The following AGO3 variants were observed in gnomAD, a reference collection of about 807,000 sequenced individuals.
The protein encoded by AGO3 is argonaute RISC catalytic component 3.
A neutral mutation model predicts 105.5 loss-of-function variants in AGO3; 16 were observed. That is an observed-to-expected ratio of 0.15 (90% CI 0.10 to 0.23). AGO3 has a LOEUF of 0.23. AGO3 is among the 10% of genes least tolerant of loss of function. The pLI is 1.00. For synonymous variants in AGO3, 340 were observed against 367.3 expected (o/e 0.93, Z 0.85); for missense variants, 534 against 1,088.0 (o/e 0.49, Z 7.16).
At chr1:35,960,415 G>T (rs1351524100) in intron 2 of AGO3, among the ~76,000 whole-genome samples, 4 of 152,076 alleles carry the variant, frequency 2.6e-5, no homozygotes, top group African/African-American at 9.7e-5. Flanking sequence ...AGGAGTTTTA[G>T]GTTACAGTGA....
At chr1:36,041,398 T>C (rs967356155) in intron 16 of AGO3, among the ~76,000 whole-genome samples, 2 of 151,720 alleles carry the variant, frequency 1.3e-5, no homozygotes, top group African/African-American at 2.4e-5. Flanking sequence ...CCTGCCACCA[T>C]GCCCGGCTAA....
chr1:35,989,449 A>G (rs1647411523), intron 5 of AGO3, among the ~76,000 whole-genome samples: 1 of 152,230 alleles, frequency 6.6e-6, no homozygotes, highest in African/African-American at 2.4e-5. Flanking sequence ...TTTAAAGAAT[A>G]CATAAAATAC....
intron 2 of AGO3, among the ~76,000 whole-genome samples, chr1:35,952,866 C>T (rs970806090): frequency 6.6e-6 from 1 of 152,154 alleles, no homozygotes; most frequent in South Asian, 2.1e-4. Context: ...ATATCCCCAT[C>T]GTTAAGTGAT....
chr1:35,953,272 GAAAA>G (rs967020958), intron 2 of AGO3, among the ~76,000 whole-genome samples: 1 of 140,018 alleles, frequency 7.1e-6, no homozygotes, highest in Non-Finnish European at 1.6e-5. Flanking sequence ...CTACTAAAAA[GAAAA>G]AAAAAAAGAA....
intron 17 of AGO3, 64 bp from the exon 18 acceptor site, chr1:36,054,882 A>G: frequency 6.5e-7 from 1 of 1,530,530 alleles, no homozygotes; most frequent in Admixed American, 1.7e-5. Flanking sequence ...ACTTTGTCTC[A>G]AAAAACAAAA....
At chr1:35,995,866 C>T (rs967144231) in intron 5 of AGO3, among the ~76,000 whole-genome samples, 1 of 152,022 alleles carries the variant, frequency 6.6e-6, no homozygotes, top group African/African-American at 2.4e-5. Context: ...TTAGTAGAGA[C>T]GAGGTTTTAC....
Position 36,059,289 on chromosome 1 carries a change from GA to G in AGO3, c.*3548del, listed in dbSNP as rs1642996635. On this transcript the variant is annotated 3_prime_UTR_variant, in exon 19 of 19. Transcript: ENST00000373191. Reference sequence around the variant, plus strand: ...AATTACCATTGGTTCTTAATTACAAGAAAACTTGTGCTTAGAATTTTAAGAT... The same window carrying G: ...AATTACCATTGGTTCTTAATTACAAGAAACTTGTGCTTAGAATTTTAAGAT... 6.6e-6 allele frequency: 1 copy of G among 151,826 alleles called. No homozygotes were observed. Among genetic ancestry groups the G allele is most frequent in the South Asian group, 2.1e-4 (1 of 4,816 alleles). 9.4% of individuals were successfully genotyped at this position (151,826 alleles called of 1,614,324 possible).
intron 17 of AGO3, among the ~76,000 whole-genome samples, chr1:36,047,241 C>CT (rs1168109315): frequency 1.3e-5 from 2 of 150,650 alleles, no homozygotes; most frequent in Non-Finnish European, 3.0e-5. Flanking sequence ...GAAACTCTGC[C>CT]TAAAAAAAAG....
intron 11 of AGO3, among the ~76,000 whole-genome samples, chr1:36,018,011 CT>C (rs565672579): frequency 2.3e-4 from 33 of 144,380 alleles, no homozygotes; most frequent in Admixed American, 2.8e-4. Flanking sequence ...ACAATGTTCT[CT>C]TTTTTTTTTT....
chr1:35,950,610 G>T (rs780084715), intron 2 of AGO3, among the ~76,000 whole-genome samples: 1 of 152,104 alleles, frequency 6.6e-6, no homozygotes, highest in Non-Finnish European at 1.5e-5. Flanking sequence ...AAATGATTTT[G>T]ATTGAATGTT....
intron 12 of AGO3, among the ~76,000 whole-genome samples, chr1:36,031,716 A>G (rs1045152237): frequency 1.3e-5 from 2 of 152,188 alleles, no homozygotes; most frequent in African/African-American, 4.8e-5. Context: ...TAACCCCTGG[A>G]AAGCACTGTT....
chr1:36,030,837 T>C (rs1393232674), intron 12 of AGO3, among the ~76,000 whole-genome samples: 1 of 152,198 alleles, frequency 6.6e-6, no homozygotes, highest in Non-Finnish European at 1.5e-5. Flanking sequence ...TTTTAACATA[T>C]TAGTTAGACT....
chr1:36,020,069 G>A (rs538221834), intron 11 of AGO3, among the ~76,000 whole-genome samples: 3 of 152,202 alleles, frequency 2.0e-5, no homozygotes, highest in East Asian at 3.9e-4. Flanking sequence ...ACCATGCCCG[G>A]CCAGTATATA....
At chr1:36,012,287 A>C (rs1276467891) in intron 9 of AGO3, among the ~76,000 whole-genome samples, 1 of 151,206 alleles carries the variant, frequency 6.6e-6, no homozygotes, top group Non-Finnish European at 1.5e-5. Context: ...GTGAGCTGTG[A>C]TTGCACCACT....
chr1:36,004,384 C>T lies in AGO3; in HGVS notation c.702C>T (p.Phe234=), dbSNP rs1334331959. Residue 234 remains phenylalanine (F), a synonymous_variant, in exon 6 of 19, where the codon TTC becomes TTT. Coordinates refer to ENST00000373191, the MANE Select transcript of AGO3 (RefSeq NM_024852.4). The part of the protein sequence containing the change: ...AFYKAQPVIQ[F]MCEVLDIHNI... ...ACAAAGCACAACCTGTAATTCAGTT[C>T]ATGTGTGAAGTTCTTGATATTCATA... 6.2e-7 allele frequency: 1 copy of T among 1,610,166 alleles called. No individual in the cohort carries two copies. The highest frequency in any genetic ancestry group is 8.5e-7 in the Non-Finnish European group (1 of 1,177,532).
intron 1 of AGO3, among the ~76,000 whole-genome samples, chr1:35,945,394 A>T (rs1408437757): frequency 6.6e-6 from 1 of 151,752 alleles, no homozygotes; most frequent in Admixed American, 6.6e-5. Flanking sequence ...TATTGGTCTC[A>T]CACTCTTTAG....
chr1:36,055,387 A>G lies in AGO3; in HGVS notation c.2474+242A>G. 1 of 612,168 alleles carries G rather than the reference A, an allele frequency of 1.6e-6. No homozygotes were observed. Among genetic ancestry groups the G allele is most frequent in the Non-Finnish European group, 2.9e-6 (1 of 349,392 alleles). The allele number at this position is 612,168 out of a possible 1,614,324, so 37.9% of individuals were successfully genotyped here. A position where few individuals can be genotyped will look rare whatever the true frequency, so the allele number is the denominator to read the frequency against. On this transcript the variant is annotated intron_variant, in intron 18 of 18. Coordinates refer to ENST00000373191, the MANE Select transcript of AGO3 (RefSeq NM_024852.4). This position sits in a 1 kb window ranked among gnomAD's most constrained non-coding sequence, Gnocchi z 4.4. ...GAGATTATTGGTAATAAAGTGATAC[A>G]TTCAGACAGATAGACAAAATGATAC...
chr1:35,970,043 C>CAG (rs1425164756), intron 3 of AGO3, among the ~76,000 whole-genome samples: 3 of 152,188 alleles, frequency 2.0e-5, no homozygotes, highest in African/African-American at 7.2e-5. Context: ...CTTTCTGGCA[C>CAG]AGGATGTTCC....
At chr1:36,014,162 CA>C in intron 11 of AGO3, 114 bp downstream of exon 11, 3 of 1,375,162 alleles carry the variant, frequency 2.2e-6, no homozygotes, top group Non-Finnish European at 3.0e-6. Flanking sequence ...ATCACTGAAC[CA>C]TTTTTTTTTT....
Sources: gnomAD v4.1 joint callset for allele counts (sites outside exome capture counted in the v4.1 genomes callset) on GRCh38, gnomAD v4.1.1 for gene constraint, Gnocchi (gnomAD v3.1) non-coding constraint, MANE v1.5 for transcripts, NCBI Gene and HGNC (gene_info 2026-07-23, HGNC 2026-07-21) for gene names.